Variants in HERC6 observed in about 807,000 individuals in gnomAD.
HERC6 encodes HECT and RLD domain containing E3 ubiquitin protein ligase family member 6.
In HERC6, 101 loss-of-function variants were observed where a neutral mutation model predicts 114.5. The ratio of observed to expected loss-of-function variants is 0.88; its 90% CI spans 0.75 to 1.04. The LOEUF is 1.04. HERC6 is among the 50% of genes least tolerant of loss of function. The pLI is 0.00. For missense variants in HERC6, 1,133 were observed against 1,230.9 expected (o/e 0.92, Z 1.19); for synonymous variants, 408 against 436.2 (o/e 0.94, Z 0.81).
intron 3 of HERC6, 129 bp downstream of exon 3, chr4:88,385,704 T>C (rs1461383418): frequency 5.2e-6 from 3 of 579,356 alleles, no homozygotes; most frequent in African/African-American, 3.9e-5. Flanking sequence ...ATAAGATATA[T>C]TGTTTTCCTA....
At chr4:88,391,676 C>G (rs968409611) in intron 4 of HERC6, among the ~76,000 whole-genome samples, 2 of 152,166 alleles carry the variant, frequency 1.3e-5, no homozygotes, top group African/African-American at 4.8e-5. Flanking sequence ...AACTGCTGGA[C>G]TAGGAGACTG....
At chr4:88,379,572 T>G (rs1734051378) in intron 1 of HERC6, among the ~76,000 whole-genome samples, 1 of 147,438 alleles carries the variant, frequency 6.8e-6, no homozygotes, top group Non-Finnish European at 1.5e-5. Flanking sequence ...CAAACGTGGT[T>G]TGTGGGTCAG....
chr4:88,388,401 A>C (rs1734707146), intron 3 of HERC6, among the ~76,000 whole-genome samples: 1 of 152,116 alleles, frequency 6.6e-6, no homozygotes, highest in Non-Finnish European at 1.5e-5. Context: ...AAATACAAAA[A>C]TTAACCGGGC....
intron 15 of HERC6, 115 bp downstream of exon 15, chr4:88,424,817 T>C (rs549159369): frequency 1.5e-6 from 1 of 652,472 alleles, no homozygotes. Flanking sequence ...TGCCACACTT[T>C]TATCTATCAC....
Position 88,396,901 on chromosome 4 carries a change from G to C in HERC6, c.938G>C (p.Gly313Ala). The change falls in exon 7 of 23, where the codon GGT becomes GCT. Residue 313 changes from glycine (G) to alanine (A), a missense_variant. By Grantham distance (60) the Gly-to-Ala change is moderately conservative. This residue lies in a region of HERC6 where 735 missense variants were observed against 754.0 expected (regional missense o/e 0.97). Transcript: ENST00000264346. The part of the protein sequence containing the change: ...VHTTGQVVSF[G>A]HGPSDTSKPT... ...ACCACTGGTCAGGTGGTATCTTTTG[G>C]TCATGGACCAAGTGACACAAGCAAG... 6.2e-7 allele frequency: 1 copy of C among 1,610,290 alleles called. No homozygotes were observed. The highest frequency in any genetic ancestry group is 8.5e-7 in the Non-Finnish European group (1 of 1,177,618).
At chr4:88,380,794 C>G (rs59918117) in intron 1 of HERC6, among the ~76,000 whole-genome samples, 8,441 of 151,582 alleles carry the variant, frequency 0.056, 463 homozygotes, top group East Asian at 0.23. Flanking sequence ...TGTAGAAATA[C>G]GAGAAAGCAA....
Position 88,390,747 on chromosome 4 carries a change from C to T in HERC6, c.532C>T (p.Leu178=), listed in dbSNP as rs769454127. Residue 178 remains leucine (L), a synonymous_variant, in exon 4 of 23, where the codon CTG becomes TTG. Transcript: ENST00000264346. The part of the protein sequence containing the change: ...SQASPQRVRS[L]EGIPLAQVAA... ...AGCCAGCCCGCAGAGGGTGAGGTCC[C>T]TGGAGGGGATCCCACTGGCTCAGGT... The T allele has an allele frequency of 1.9e-6, 3 of 1,614,144 alleles. No individual in the cohort carries two copies. The highest frequency in any genetic ancestry group is 2.5e-6 in the Non-Finnish European group (3 of 1,180,018).
At chr4:88,389,681 T>C (rs1734788045) in intron 3 of HERC6, among the ~76,000 whole-genome samples, 1 of 150,242 alleles carries the variant, frequency 6.7e-6, no homozygotes, top group Non-Finnish European at 1.5e-5. Flanking sequence ...ACCGCCCCGC[T>C]TGCCTTTAGT....
At chr4:88,404,163 C>T (rs927007133) in intron 8 of HERC6, among the ~76,000 whole-genome samples, 2 of 151,736 alleles carry the variant, frequency 1.3e-5, no homozygotes, top group Non-Finnish European at 2.9e-5. Flanking sequence ...AAAATTCATC[C>T]ATGTTGTAGC....
intron 17 of HERC6, among the ~76,000 whole-genome samples, chr4:88,432,734 T>C (rs1012978159): frequency 6.7e-6 from 1 of 149,146 alleles, no homozygotes; most frequent in Non-Finnish European, 1.5e-5. Context: ...GTTTCAAAAA[T>C]AAAAGGTGCT....
At chr4:88,402,717 A>G (rs1735608830) in intron 8 of HERC6, among the ~76,000 whole-genome samples, 1 of 152,196 alleles carries the variant, frequency 6.6e-6, no homozygotes. Context: ...ACAGTGGGAG[A>G]AGATTACAAA....
At chr4:88,424,782 C>T (rs1737433814) in intron 15 of HERC6, 80 bp downstream of exon 15, 2 of 761,724 alleles carry the variant, frequency 2.6e-6, no homozygotes, top group Admixed American at 3.2e-5. Context: ...ATCCCATCAC[C>T]AAGATTCAGC....
intron 6 of HERC6, 41 bp from the exon 7 acceptor site, chr4:88,396,810 A>G: frequency 6.9e-7 from 1 of 1,445,438 alleles, no homozygotes; most frequent in South Asian, 1.5e-5. Flanking sequence ...AAAAGCCATG[A>G]GTGCCTTAGT....
chr4:88,413,342 A>G, intron 12 of HERC6, 76 bp downstream of exon 12: 3 of 1,037,990 alleles, frequency 2.9e-6, no homozygotes, highest in Non-Finnish European at 2.8e-6. Context: ...CAAATTTTGA[A>G]TAGAAGATTT....
At chr4:88,384,909 G>A (rs1734499046) in intron 2 of HERC6, among the ~76,000 whole-genome samples, 1 of 152,088 alleles carries the variant, frequency 6.6e-6, no homozygotes, top group Non-Finnish European at 1.5e-5. Flanking sequence ...TGTAATCCCA[G>A]CTACTTGGGA....
At chr4:88,426,692 T>C (rs538820220) in intron 15 of HERC6, among the ~76,000 whole-genome samples, 65 of 151,806 alleles carry the variant, frequency 4.3e-4, no homozygotes, top group African/African-American at 1.5e-3. Flanking sequence ...GTCAGGCTGG[T>C]CTCGAACTCC....
intron 12 of HERC6, 42 bp downstream of exon 12, chr4:88,413,308 C>A: frequency 1.4e-6 from 2 of 1,471,794 alleles, no homozygotes; most frequent in South Asian, 1.2e-5. Context: ...AATATAGAGT[C>A]ACTCTCTGAA....
chr4:88,411,741 C>T (rs1209393357), intron 11 of HERC6, among the ~76,000 whole-genome samples: 1 of 152,200 alleles, frequency 6.6e-6, no homozygotes, highest in African/African-American at 2.4e-5. Context: ...TGCACAGGTT[C>T]ATTCAGGGCT....
chr4:88,422,867 G>A (rs770225675), intron 13 of HERC6, among the ~76,000 whole-genome samples: 4 of 151,962 alleles, frequency 2.6e-5, no homozygotes, highest in East Asian at 3.9e-4. Context: ...TTTCTTTGTC[G>A]GAAGTTTTTT....
Sources: allele counts gnomAD v4.1 joint callset (sites outside exome capture counted in the v4.1 genomes callset), GRCh38; gene constraint gnomAD v4.1.1; regional missense constraint gnomAD v4.1.1; transcripts MANE v1.5; gene names NCBI Gene and HGNC (gene_info 2026-07-23, HGNC 2026-07-21).